Variants in ATG16L2 observed in about 807,000 individuals in gnomAD.
The protein encoded by ATG16L2 is autophagy related 16 like 2.
ATG16L2 carries 77 observed loss-of-function variants against 84.7 expected under a neutral mutation model. That is an observed-to-expected ratio of 0.91 (90% confidence interval 0.76 to 1.10). ATG16L2 has a LOEUF of 1.10. Among genes scored for constraint, ATG16L2 ranks in the 50% least tolerant of loss-of-function variants. The probability of loss-of-function intolerance (pLI) is 0.00; values close to 1 mark genes in which losing one functional copy is unlikely to be tolerated. For missense variants in ATG16L2, 782 were observed against 817.6 expected (o/e 0.96, Z 0.53); for synonymous variants, 361 against 342.8 (o/e 1.05, Z -0.59).
chr11:72,822,393 G>A lies in ATG16L2; in HGVS notation c.645-85G>A, dbSNP rs1455225664. ...TCTGGAAGGGAGGGGGGCAGCAGCC[G>A]CCCCCTGGAGGAAGGGACCGGGTCT... On this transcript the variant is annotated intron_variant, in intron 5 of 17. Coordinates refer to ENST00000321297, the MANE Select transcript of ATG16L2 (RefSeq NM_033388.2). This position sits in a 1 kb window ranked among gnomAD's most constrained non-coding sequence, Gnocchi z 4.2. 2.5e-6 allele frequency: 4 copies of A among 1,592,674 alleles called. No homozygotes were observed. The highest frequency in any genetic ancestry group is 2.2e-5 in the South Asian group (2 of 88,908).
In ATG16L2 at chr11:72,814,451, G is replaced by T. The variant is rs374182416; in HGVS notation, c.6G>T (p.Ala2=). 175 of 1,497,662 alleles carry T rather than the reference G, an allele frequency of 1.2e-4. 1 individual carries two copies. The African/African-American group carries it at 2.1e-3, about 18-fold the overall frequency. 92.8% of individuals were successfully genotyped at this position (1,497,662 alleles called of 1,614,324 possible). A position where few individuals can be genotyped will look rare whatever the true frequency, so the allele number is the denominator to read the frequency against. Residue 2 remains alanine, a synonymous_variant, in exon 1 of 18, where the codon GCG becomes GCT. Transcript: ENST00000321297. M[A]GPGVPGAPAA... ...CTAGGCGGGAGAGCGCGGCCATGGC[G>T]GGGCCGGGCGTCCCCGGTGCCCCCG...
At chr11:72,834,111 G>A (rs567494917), downstream of ATG16L2, among the ~76,000 whole-genome samples, 2 of 152,118 alleles carry the variant, frequency 1.3e-5, no homozygotes, top group Admixed American at 6.6e-5. Context: ...AAGAGTCTAG[G>A]AGGAAACTTA....
intron 11 of ATG16L2, 84 bp from the exon 12 acceptor site, chr11:72,826,434 T>C: frequency 1.9e-6 from 3 of 1,563,188 alleles, no homozygotes; most frequent in African/African-American, 1.4e-5. Context: ...TGGGAAACTG[T>C]GAGGCAGCCC....
rs1204439645 is a variant in ATG16L2 at position 72,822,732 on chromosome 11, T to G, written c.711-116T>G. 1 of 1,025,122 alleles carries G rather than the reference T, an allele frequency of 9.8e-7. No individual in the cohort carries two copies. Among genetic ancestry groups the G allele is most frequent in the Non-Finnish European group, 1.4e-6 (1 of 700,104 alleles). The allele number at this position is 1,025,122 out of a possible 1,614,324, so 63.5% of individuals were successfully genotyped here. ...CCTGCATGCGTGACCGCTGCACGTG[T>G]ACACCCACACAGAACCCTCATCACT... On this transcript the variant is annotated intron_variant, in intron 6 of 17. Coordinates refer to ENST00000321297, the MANE Select transcript of ATG16L2 (RefSeq NM_033388.2). The surrounding 1 kb of genome is among the most constrained non-coding windows in gnomAD (Gnocchi z 4.2).
chr11:72,821,545 C>G (rs1859990871), intron 3 of ATG16L2, 123 bp from the exon 4 acceptor site: 1 of 1,478,018 alleles, frequency 6.8e-7, no homozygotes, highest in Admixed American at 2.4e-5. Context: ...GTGTGGGGCT[C>G]AGCTTGCTTT....
chr11:72,822,875 G>A lies in ATG16L2; in HGVS notation c.738G>A (p.Met246Ile), dbSNP rs773498117. 11 of 1,572,504 alleles carry A rather than the reference G, an allele frequency of 7.0e-6. No individual in the cohort carries two copies. In the South Asian group the frequency reaches 1.3e-4, roughly 18 times the overall value. The change falls in exon 7 of 18, where the codon ATG (methionine) becomes ATA (isoleucine). Residue 246 changes from methionine (M) to isoleucine (I), a missense_variant. By Grantham distance (10) the Met-to-Ile change is conservative. Coordinates refer to ENST00000321297, the MANE Select transcript of ATG16L2 (RefSeq NM_033388.2). This position sits in a 1 kb window ranked among gnomAD's most constrained non-coding sequence, Gnocchi z 4.2. ...SEGPDTLGDG[M>I]RERRETLALA... ...GCCCGGACACCCTAGGCGATGGGATGAGGGAGAGAAGGGAGACTCTGGCTC... is the reference window on the plus strand; with the variant it reads ...GCCCGGACACCCTAGGCGATGGGATAAGGGAGAGAAGGGAGACTCTGGCTC...
At chr11:72,834,545 G>T (rs936916805), downstream of ATG16L2, among the ~76,000 whole-genome samples, 1 of 151,544 alleles carries the variant, frequency 6.6e-6, no homozygotes, top group Non-Finnish European at 1.5e-5. Context: ...TCCAGGGCAT[G>T]AGAGTTAGAT....
Position 72,843,449 on chromosome 11 carries a change from C to G in ATG16L2, c.*854C>G, listed in dbSNP as rs1861028810. ...GGGCGATATGAGCAAAGGAATATAC[C>G]TTTACCCAGTCTTCCATATCTCCAT... On this transcript the variant is annotated 3_prime_UTR_variant, in exon 6 of 6. Coordinates refer to the ATG16L2 transcript ENST00000534905. 1 of 1,611,772 alleles carries G rather than the reference C, an allele frequency of 6.2e-7. No homozygotes were observed. The highest frequency in any genetic ancestry group is 8.5e-7 in the Non-Finnish European group (1 of 1,177,998).
intron 5 of ATG16L2, chr11:72,841,506 G>T (rs1479848074): frequency 6.2e-7 from 1 of 1,611,362 alleles, no homozygotes; most frequent in African/African-American, 1.3e-5. Flanking sequence ...TATCTGGGCT[G>T]GGGTAGGGGC....
intron 8 of ATG16L2, 45 bp from the exon 9 acceptor site, chr11:72,824,689 A>G (rs1255203271): frequency 1.4e-6 from 2 of 1,449,682 alleles, no homozygotes; most frequent in Middle Eastern, 1.7e-4. Context: ...CCACCTGAGA[A>G]GGACTTGCTG....
chr11:72,824,246 G>C (rs1860198186), intron 8 of ATG16L2, 124 bp downstream of exon 8: 1 of 1,244,796 alleles, frequency 8.0e-7, no homozygotes, highest in Admixed American at 1.8e-5. Flanking sequence ...CTGTGAGTCT[G>C]TTGGGCCTTG....
At chr11:72,833,415 A>G (rs117283758), downstream of ATG16L2, among the ~76,000 whole-genome samples, 681 of 152,236 alleles carry the variant, frequency 4.5e-3, 5 homozygotes, top group Non-Finnish European at 7.4e-3. Flanking sequence ...TTCCTACTTT[A>G]CAGATGAGGA....
intron 16 of ATG16L2, 48 bp downstream of exon 16, chr11:72,828,824 C>T: frequency 6.2e-7 from 1 of 1,613,862 alleles, no homozygotes; most frequent in South Asian, 1.1e-5. Context: ...CCCTGCCGGA[C>T]CCTGTGTGTG....
In ATG16L2 at chr11:72,822,363, C is replaced by T. The variant is rs762573347; in HGVS notation, c.644+68C>T. 393 of 1,563,892 alleles carry T rather than the reference C, an allele frequency of 2.5e-4. No homozygotes were observed. Among genetic ancestry groups the T allele is most frequent in the Middle Eastern group, 6.8e-4 (4 of 5,924 alleles). On this transcript the variant is annotated intron_variant, in intron 5 of 17. Coordinates refer to ENST00000321297, the MANE Select transcript of ATG16L2 (RefSeq NM_033388.2). The surrounding 1 kb of genome is among the most constrained non-coding windows in gnomAD (Gnocchi z 4.2). Reference sequence around the variant, plus strand: ...CCTGCAGGGAGGAGTCGGGCCTCGCCGGTGTCTGGAAGGGAGGGGGGCAGC... The same window carrying T: ...CCTGCAGGGAGGAGTCGGGCCTCGCTGGTGTCTGGAAGGGAGGGGGGCAGC...
chr11:72,822,084 G>C lies in ATG16L2; in HGVS notation c.433G>C (p.Ala145Pro). 2 of 1,543,624 alleles carry C rather than the reference G, an allele frequency of 1.3e-6. No homozygotes were observed. The highest frequency in any genetic ancestry group is 1.7e-6 in the Non-Finnish European group (2 of 1,156,408). Residue 145 changes from alanine (A) to proline (P), a missense_variant, in exon 5 of 18, where the codon GCG (alanine) becomes CCG (proline). Physicochemically the swap from Ala to Pro is conservative, Grantham distance 27. Coordinates refer to ENST00000321297, the MANE Select transcript of ATG16L2 (RefSeq NM_033388.2). The surrounding 1 kb of genome is among the most constrained non-coding windows in gnomAD (Gnocchi z 4.2). Reference sequence around the variant, plus strand: ...GGCCCGCGTGGCGCAGCTGCGAGAGGCGCGGGCGCAGCAGGCCCAGCAGGT... The same window carrying C: ...GGCCCGCGTGGCGCAGCTGCGAGAGCCGCGGGCGCAGCAGGCCCAGCAGGT... ...LEARVAQLRE[A>P]RAQQAQQVEE...
At chr11:72,821,415 T>C in intron 3 of ATG16L2, 1 of 1,306,894 alleles carries the variant, frequency 7.7e-7, no homozygotes, top group Admixed American at 3.4e-5. Flanking sequence ...AGGTTCCTAG[T>C]AGGGTCGCAG....
Position 72,829,453 on chromosome 11 carries a change from A to T in ATG16L2, c.*63A>T. Reference sequence around the variant, plus strand: ...GAAGCCTGAAGCTTCCTTCGGCGCCATGCAGGGGTTGGGGTTGGGACTGGA... The same window carrying T: ...GAAGCCTGAAGCTTCCTTCGGCGCCTTGCAGGGGTTGGGGTTGGGACTGGA... On this transcript the variant is annotated 3_prime_UTR_variant, in exon 18 of 18. Transcript: ENST00000321297. 2 of 1,573,158 alleles carry T rather than the reference A, an allele frequency of 1.3e-6. No individual in the cohort carries two copies. The highest frequency in any genetic ancestry group is 1.7e-6 in the Non-Finnish European group (2 of 1,157,818).
At chr11:72,842,572 C>T in intron 5 of ATG16L2, 1 of 1,608,978 alleles carries the variant, frequency 6.2e-7, no homozygotes, top group Non-Finnish European at 8.5e-7. Flanking sequence ...CCTTTGGGAG[C>T]AATTTTCTTT....
intron 3 of ATG16L2, chr11:72,818,676 A>G (rs1859818690): frequency 6.6e-6 from 1 of 152,218 alleles, no homozygotes; most frequent in South Asian, 2.1e-4. Flanking sequence ...AGGCTTGGAG[A>G]GGTAGAGCCA....
Sources: allele counts gnomAD v4.1 joint callset (sites outside exome capture counted in the v4.1 genomes callset), GRCh38; gene constraint gnomAD v4.1.1; non-coding constraint Gnocchi (gnomAD v3.1); transcripts MANE v1.5; gene names NCBI Gene and HGNC (gene_info 2026-07-23, HGNC 2026-07-21).